INPP5K: variants seen among roughly 807,000 people sequenced by gnomAD.
INPP5K encodes inositol polyphosphate-5-phosphatase K.
A neutral mutation model predicts 53.5 loss-of-function variants in INPP5K; 35 were observed. The observed-to-expected ratio is 0.65, with a 90% confidence interval of 0.50 to 0.87. The LOEUF (loss-of-function observed/expected upper bound fraction) is 0.87, where lower values mean the gene tolerates loss of function less well. Ranked by LOEUF, INPP5K falls within the 40% of genes least tolerant of loss-of-function variation. The pLI is 0.00. For synonymous variants in INPP5K, 253 were observed against 232.8 expected, an observed-to-expected ratio of 1.09 and a Z score of -0.79; for missense variants, 550 against 586.2, an observed-to-expected ratio of 0.94 and a Z score of 0.64.
intron 3 of INPP5K, among the ~76,000 whole-genome samples, chr17:1,512,439 T>C (rs2075331194): frequency 2.0e-5 from 3 of 152,044 alleles, no homozygotes; most frequent in African/African-American, 7.2e-5. Context: ...TTAGATTCTT[T>C]CCTCCCCATT....
At position 1,509,306 on chromosome 17, in the gene INPP5K, ATAG is replaced by A. The variant is rs1567560955; in HGVS notation, c.423_425del (p.Tyr142del). On this transcript the variant is annotated inframe_deletion, in exon 5 of 12. Coordinates refer to ENST00000421807, the MANE Select transcript of INPP5K (RefSeq NM_016532.4). The stretch of plus-strand genomic sequence containing the variant: ...GCAGGTGGCAGTTGATGATGCTGAC[ATAG>A]TAGCCATAAAGCTTCAGGCAGATGT... 6.2e-7 allele frequency: 1 copy of A among 1,614,078 alleles called. No homozygotes were observed.
intron 3 of INPP5K, among the ~76,000 whole-genome samples, 175 bp downstream of exon 3, chr17:1,513,278 C>T (rs888794982): frequency 5.9e-5 from 9 of 152,116 alleles, no homozygotes; most frequent in Admixed American, 2.0e-4. Flanking sequence ...CTCAGAAAGG[C>T]GAAGGCAGGC....
chr17:1,495,662 G>A lies in INPP5K; in HGVS notation c.*161C>T. ...TAATTCCAGAGATGAGTAGTGGAGA[G>A]AGCAAATGAGCCTGGTTAGAGCTCA... On this transcript the variant is annotated 3_prime_UTR_variant, in exon 12 of 12. Transcript: ENST00000421807. The A allele has an allele frequency of 1.6e-6, 1 of 609,492 alleles. No homozygotes were observed. Among genetic ancestry groups the A allele is most frequent in the Admixed American group, 3.0e-5 (1 of 33,460 alleles). 37.8% of individuals were successfully genotyped at this position (609,492 alleles called of 1,614,324 possible).
At chr17:1,499,178 C>T (rs983832150) in intron 7 of INPP5K, among the ~76,000 whole-genome samples, 13 of 152,294 alleles carry the variant, frequency 8.5e-5, no homozygotes, top group African/African-American at 2.6e-4. Flanking sequence ...TGGTGCAAAA[C>T]GAGCTCGCCA....
rs561134741 is a variant in INPP5K, at chr17:1,516,509, C to T, written c.-10G>A. On this transcript the variant is annotated 5_prime_UTR_variant, in exon 1 of 12. Transcript: ENST00000421807. ...GCTTCCGCGAGCTCATGGCCGCCGT[C>T]GTCCCCGCGCGGTGGTCCGGCAGGT... The T allele has an allele frequency of 1.3e-6, 2 of 1,572,560 alleles. No individual in the cohort carries two copies. Among genetic ancestry groups the T allele is most frequent in the East Asian group, 2.4e-5 (1 of 42,340 alleles).
At position 1,516,496 on chromosome 17, in the gene INPP5K, T is replaced by C. The variant is rs2075443381; in HGVS notation, c.4A>G (p.Ser2Gly). The stretch of plus-strand genomic sequence containing the variant: ...TTCGGCCCGCTCAGCTTCCGCGAGC[T>C]CATGGCCGCCGTCGTCCCCGCGCGG... Reference protein sequence around the residue: MSSRKLSGPKGR... With the variant: MGSRKLSGPKGR... The change falls in exon 1 of 12, where the codon AGC (serine) becomes GGC (glycine). Residue 2 changes from serine to glycine, a missense_variant. By Grantham distance (56) the Ser-to-Gly change is moderately conservative (BLOSUM62 0). Coordinates refer to ENST00000421807, the MANE Select transcript of INPP5K (RefSeq NM_016532.4). 3.2e-6 allele frequency: 5 copies of C among 1,583,250 alleles called. No individual in the cohort carries two copies. The highest frequency in any genetic ancestry group is 2.3e-5 in the East Asian group (1 of 43,236).
At chr17:1,497,201 G>A (rs989446692) in intron 8 of INPP5K, among the ~76,000 whole-genome samples, 3 of 152,220 alleles carry the variant, frequency 2.0e-5, no homozygotes, top group Non-Finnish European at 4.4e-5. Context: ...AGATACCAGC[G>A]GGGGCCAGGC....
chr17:1,507,544 CT>C (rs879297211), intron 6 of INPP5K: 744 of 149,196 alleles, frequency 5.0e-3, no homozygotes, highest in South Asian at 8.3e-3. Flanking sequence ...TATTCTTCTT[CT>C]TTTTTTTTTT....
In INPP5K at chr17:1,508,173, T is replaced by C. The variant is rs771881400; in HGVS notation, c.608A>G (p.His203Arg). 4 of 1,613,936 alleles carry C rather than the reference T, an allele frequency of 2.5e-6. No individual in the cohort carries two copies. The highest frequency in any genetic ancestry group is 3.4e-6 in the Non-Finnish European group (4 of 1,180,008). Residue 203 changes from histidine to arginine, a missense_variant, in exon 6 of 12, where the codon CAC (histidine) becomes CGC (arginine). By Grantham distance (29) the His-to-Arg change is conservative. Coordinates refer to ENST00000421807, the MANE Select transcript of INPP5K (RefSeq NM_016532.4). ...MNFRIEDFGL[H>R]FVRESIKNRC... ...ATTTTTAATGGATTCCCGAACAAAG[T>C]GCAACCCAAAGTCCTCGATCCGAAA...
At chr17:1,514,110 G>T (rs543725100) in intron 1 of INPP5K, 131 bp from the exon 2 acceptor site, 8 of 494,504 alleles carry the variant, frequency 1.6e-5, no homozygotes, top group Non-Finnish European at 2.9e-5. Context: ...ATCACCTGAG[G>T]TCGGGAGTTC....
At position 1,495,633 on chromosome 17, in the gene INPP5K, C is replaced by T. The variant is rs74569895; in HGVS notation, c.*190G>A. On this transcript the variant is annotated 3_prime_UTR_variant, in exon 12 of 12. Transcript: ENST00000421807. ...TCAGCAACAAAAACCTGTATTTAAG[C>T]GGCTAATTCCAGAGATGAGTAGTGG... is the stretch of plus-strand genomic sequence containing the variant. 631 of 566,734 alleles carry T rather than the reference C, an allele frequency of 1.1e-3. 5 individuals carry two copies. Among genetic ancestry groups the T allele is most frequent in the African/African-American group, 0.01 (533 of 53,016 alleles). 35.1% of individuals were successfully genotyped at this position (566,734 alleles called of 1,614,324 possible).
intron 7 of INPP5K, among the ~76,000 whole-genome samples, chr17:1,504,558 C>T (rs568809351): frequency 6.6e-6 from 1 of 152,184 alleles, no homozygotes; most frequent in Non-Finnish European, 1.5e-5. Flanking sequence ...GAAGCAGTAC[C>T]GAAGGCTCAT....
At chr17:1,505,227 G>A (rs893591310) in intron 7 of INPP5K, among the ~76,000 whole-genome samples, 1 of 152,160 alleles carries the variant, frequency 6.6e-6, no homozygotes, top group Admixed American at 6.5e-5. Context: ...CTGGGCTCAA[G>A]TGATCCTCCT....
rs1369641106 is a variant in INPP5K, at chr17:1,495,657, G to A, written c.*166C>T. On this transcript the variant is annotated 3_prime_UTR_variant, in exon 12 of 12. Transcript: ENST00000421807. ...GCGGCTAATTCCAGAGATGAGTAGT[G>A]GAGAGAGCAAATGAGCCTGGTTAGA... 6.6e-6 allele frequency: 4 copies of A among 604,354 alleles called. No homozygotes were observed. Among genetic ancestry groups the A allele is most frequent in the African/African-American group, 1.9e-5 (1 of 53,774 alleles). The allele number at this position is 604,354 out of a possible 1,614,324, so 37.4% of individuals were successfully genotyped here. A position where few individuals can be genotyped will look rare whatever the true frequency, so the allele number is the denominator to read the frequency against.
At chr17:1,500,443 C>T (rs954310366) in intron 7 of INPP5K, among the ~76,000 whole-genome samples, 1 of 152,022 alleles carries the variant, frequency 6.6e-6, no homozygotes, top group Non-Finnish European at 1.5e-5. Flanking sequence ...CGGCTCACTG[C>T]AAGCTCCGCC....
At chr17:1,511,103 G>A (rs1351226908) in intron 3 of INPP5K, among the ~76,000 whole-genome samples, 1 of 152,148 alleles carries the variant, frequency 6.6e-6, no homozygotes, top group African/African-American at 2.4e-5. Context: ...TGTCCATGAA[G>A]GCAACGCCCA....
At chr17:1,503,472 C>A (rs920462050) in intron 7 of INPP5K, among the ~76,000 whole-genome samples, 3 of 152,108 alleles carry the variant, frequency 2.0e-5, no homozygotes, top group Non-Finnish European at 2.9e-5. Flanking sequence ...CGTGAGCCAC[C>A]GCACCCGGCC....
chr17:1,508,127 C>T lies in INPP5K; in HGVS notation c.654G>A (p.Trp218Ter), dbSNP rs750776057. The T allele has an allele frequency of 2.5e-6, 4 of 1,613,488 alleles. No homozygotes were observed. The highest frequency in any genetic ancestry group is 3.4e-6 in the Non-Finnish European group (4 of 1,179,424). ...SIKNRCYGGLWEKDQLSIAKK... is the reference protein window; with the variant it reads ...SIKNRCYGGL ...CCTCACTGGATACCTGGTCCTTCTC[C>T]CACAGGCCACCGTAGCACCGATTTT... is the stretch of plus-strand genomic sequence containing the variant. The change falls in exon 6 of 12, where the codon TGG becomes TGA. Residue 218 changes from tryptophan (W) to a stop codon, truncating the protein, a stop_gained. Coordinates refer to ENST00000421807, the MANE Select transcript of INPP5K (RefSeq NM_016532.4). LOFTEE classifies it high-confidence loss of function.
chr17:1,506,890 C>A, intron 7 of INPP5K, 90 bp downstream of exon 7: 1 of 899,372 alleles, frequency 1.1e-6, no homozygotes, highest in South Asian at 1.6e-5. Flanking sequence ...CCTGCCCCCC[C>A]TAACACTTCT....
Sources: allele counts gnomAD v4.1 joint callset (sites outside exome capture counted in the v4.1 genomes callset), GRCh38; gene constraint gnomAD v4.1.1; transcripts MANE v1.5; gene names NCBI Gene and HGNC (gene_info 2026-07-23, HGNC 2026-07-21).